The following CLECL1 variants were observed in gnomAD, a reference collection of about 807,000 sequenced individuals.
CLECL1 encodes C-type lectin-like domain family 1.
At chr12:9,707,077 G>A in the CLECL1 span, among the ~76,000 whole-genome samples, 900 of 152,178 alleles carry the variant, frequency 5.9e-3, 6 homozygotes, top group African/African-American at 0.017. Flanking sequence ...CCCTGGTTCC[G>A]TCTTGGGAAG....
At chr12:9,711,273 A>G (rs1866198176), downstream of CLECL1, among the ~76,000 whole-genome samples, 1 of 152,168 alleles carries the variant, frequency 6.6e-6, no homozygotes, top group Non-Finnish European at 1.5e-5. Context: ...TCAAGCCAGA[A>G]CTGTTAAGAG....
chr12:9,730,747 T>C (rs1464738358), intron 1 of CLECL1, among the ~76,000 whole-genome samples: 2 of 151,880 alleles, frequency 1.3e-5, no homozygotes, highest in South Asian at 2.1e-4. Context: ...TAGAGTGCAG[T>C]GGCATGATCA....
chr12:9,721,826 G>A (rs889056850), downstream of CLECL1, among the ~76,000 whole-genome samples: 2 of 152,166 alleles, frequency 1.3e-5, no homozygotes, highest in African/African-American at 4.8e-5. Context: ...TGCTGCGCCT[G>A]ACAGAGCCTT....
downstream of CLECL1, among the ~76,000 whole-genome samples, chr12:9,722,157 G>A (rs1220552490): frequency 6.6e-6 from 1 of 152,170 alleles, no homozygotes. Flanking sequence ...GTTTAAAATA[G>A]TGTCCAACCT....
At chr12:9,728,575 A>G (rs1284960522) in intron 2 of CLECL1, among the ~76,000 whole-genome samples, 1 of 151,784 alleles carries the variant, frequency 6.6e-6, no homozygotes, top group Non-Finnish European at 1.5e-5. Flanking sequence ...TATCTTTGAA[A>G]TCTATTAGTA....
chr12:9,704,278 T>C, the CLECL1 span: 1 of 152,242 alleles, frequency 6.6e-6, no homozygotes, highest in Non-Finnish European at 1.5e-5. Context: ...TATGACACTT[T>C]CTTCACAAAT....
rs1330000507 is a variant in CLECL1 at position 9,716,729 on chromosome 12, C to G, written n.200G>C. 2.4e-6 allele frequency: 3 copies of G among 1,260,048 alleles called. No individual in the cohort carries two copies. In the Admixed American group the frequency reaches 7.0e-5, roughly 30 times the overall value. The allele number at this position is 1,260,048 out of a possible 1,614,324, so 78.1% of individuals were successfully genotyped here. On this transcript the variant is annotated non_coding_transcript_exon_variant, in exon 3 of 3. Coordinates refer to the CLECL1 transcript ENST00000540988. ...GCCTGTAGCCTCTGTCTCCTCAGCA[C>G]TGAAGTCTAGGAACTTCTATATGCA...
rs80338494 is a variant in CLECL1 at position 9,725,399 on chromosome 12, T to C, written n.262+2166A>G. ...CTAAATCAAACCCTTTCTGAGTAAG[T>C]GTATAATTATTGCGAAAGATAGAGC... On this transcript the variant is annotated intron_variant and non_coding_transcript_variant, in intron 3 of 3. Coordinates refer to ENST00000621400, the Ensembl canonical transcript of CLECL1. Among the ~76,000 whole-genome samples, 382 of 152,226 alleles carry C rather than the reference T, an allele frequency of 2.5e-3. 7 individuals carry two copies. In the East Asian group the frequency reaches 0.031, roughly 12 times the overall value.
At chr12:9,727,736 T>C (rs1007861554) in intron 2 of CLECL1, among the ~76,000 whole-genome samples, 1 of 151,796 alleles carries the variant, frequency 6.6e-6, no homozygotes, top group Non-Finnish European at 1.5e-5. Flanking sequence ...AAACCATTAG[T>C]CTGTAGTTAT....
chr12:9,704,290 T>C, the CLECL1 span: 4 of 152,236 alleles, frequency 2.6e-5, no homozygotes, highest in African/African-American at 9.6e-5. Context: ...TTCACAAATA[T>C]TACATATTCT....
downstream of CLECL1, among the ~76,000 whole-genome samples, chr12:9,712,882 T>C (rs1188222266): frequency 2.0e-5 from 3 of 152,192 alleles, no homozygotes; most frequent in African/African-American, 7.2e-5. Flanking sequence ...CTGCCATCTA[T>C]TGAAATGTTT....
downstream of CLECL1, chr12:9,722,387 A>G (rs1866323815): frequency 4.1e-6 from 2 of 484,416 alleles, no homozygotes; most frequent in African/African-American, 4.0e-5. Flanking sequence ...TTTTAAAATG[A>G]AATCTGCTAA....
chr12:9,712,479 C>T (rs888054102), downstream of CLECL1, among the ~76,000 whole-genome samples: 1 of 152,182 alleles, frequency 6.6e-6, no homozygotes, highest in African/African-American at 2.4e-5. Flanking sequence ...CAAGCATGAA[C>T]AATGCAATCT....
chr12:9,703,513 G>T, the CLECL1 span, among the ~76,000 whole-genome samples: 1 of 151,942 alleles, frequency 6.6e-6, no homozygotes, highest in South Asian at 2.1e-4. Context: ...TCTCACATCA[G>T]CCTCCCAAGC....
chr12:9,714,255 A>G (rs1158571449), downstream of CLECL1, among the ~76,000 whole-genome samples: 1 of 152,226 alleles, frequency 6.6e-6, no homozygotes, highest in Admixed American at 6.5e-5. Context: ...GAGGCCATTC[A>G]TTATCTTTCT....
chr12:9,715,289 G>T (rs1338659882), downstream of CLECL1, among the ~76,000 whole-genome samples: 1 of 152,116 alleles, frequency 6.6e-6, no homozygotes, highest in Non-Finnish European at 1.5e-5. Context: ...TAGCAGCACA[G>T]GCATCAAATT....
chr12:9,731,725 G>A (rs915158214), intron 1 of CLECL1, among the ~76,000 whole-genome samples: 12 of 152,124 alleles, frequency 7.9e-5, no homozygotes, highest in Non-Finnish European at 1.6e-4. Flanking sequence ...AGCATTCTAA[G>A]ATTGAACTAG....
chr12:9,709,903 T>A, the CLECL1 span, among the ~76,000 whole-genome samples: 5 of 152,140 alleles, frequency 3.3e-5, no homozygotes, highest in African/African-American at 1.2e-4. Flanking sequence ...TGGTCTTTTA[T>A]AATACAGACA....
chr12:9,715,669 C>T (rs1316917318), downstream of CLECL1, among the ~76,000 whole-genome samples: 1 of 152,136 alleles, frequency 6.6e-6, no homozygotes, highest in Non-Finnish European at 1.5e-5. Flanking sequence ...GTTTTTCCTC[C>T]TCTACCTCCA....
Sources: gnomAD v4.1 joint callset for allele counts (sites outside exome capture counted in the v4.1 genomes callset) on GRCh38, gnomAD v4.1.1 for gene constraint, MANE v1.5 for transcripts, NCBI Gene and HGNC (gene_info 2026-07-23, HGNC 2026-07-21) for gene names.